Variants in JAK1 observed in about 807,000 individuals in gnomAD.
JAK1 encodes the protein tyrosine-protein kinase JAK1.
JAK1 carries 16 observed loss-of-function variants against 136.6 expected under a neutral mutation model. That is an observed-to-expected ratio of 0.12 (90% confidence interval 0.08 to 0.18). The LOEUF (loss-of-function observed/expected upper bound fraction) is 0.18. Ranked by LOEUF, JAK1 falls within the 10% of genes least tolerant of loss-of-function variation. JAK1 has a pLI of 1.00. For synonymous variants in JAK1, 492 were observed against 519.5 expected (o/e 0.95, Z 0.72); for missense variants, 859 against 1,450.1 (o/e 0.59, Z 6.62).
Position 64,984,925 on chromosome 1 carries a change from C to T in JAK1, c.-78+59555G>A. The T allele has an allele frequency of 8.7e-7, 1 of 1,150,688 alleles. No individual in the cohort carries two copies. The highest frequency in any genetic ancestry group is 1.3e-6 in the Non-Finnish European group (1 of 761,790). The allele number at this position is 1,150,688 out of a possible 1,614,324, so 71.3% of individuals were successfully genotyped here. On this transcript the variant is annotated intron_variant, in intron 2 of 25. Coordinates refer to the JAK1 transcript ENST00000671954. This position sits in a 1 kb window ranked among gnomAD's most constrained non-coding sequence, Gnocchi z 4.1. The stretch of plus-strand genomic sequence containing the variant: ...GGGCCAGGGCCCTGGCTGAAGAGTT[C>T]AGCCACAATAAACCAGGGAATGTGG...
chr1:65,008,855 T>G (rs940977784), intron 2 of JAK1, among the ~76,000 whole-genome samples: 1 of 152,122 alleles, frequency 6.6e-6, no homozygotes, highest in Non-Finnish European at 1.5e-5. Context: ...GCCTGGCTAA[T>G]TTTTAAATTT....
intron 1 of JAK1, among the ~76,000 whole-genome samples, chr1:64,899,815 T>C (rs1645077362): frequency 6.6e-6 from 1 of 152,202 alleles, no homozygotes; most frequent in South Asian, 2.1e-4. Flanking sequence ...GATTCTCCTA[T>C]GTTTTGACAC....
chr1:64,943,125 T>C (rs1645920071), intron 1 of JAK1, among the ~76,000 whole-genome samples: 1 of 152,208 alleles, frequency 6.6e-6, no homozygotes, highest in Admixed American at 6.5e-5. Context: ...AGACAATAAC[T>C]AAACTTTATT....
intron 2 of JAK1, chr1:64,985,307 T>C: frequency 6.2e-7 from 1 of 1,610,414 alleles, no homozygotes; most frequent in Non-Finnish European, 8.5e-7. Context: ...GGTAGCTGGA[T>C]ACTCTAAAGA....
intron 1 of JAK1, among the ~76,000 whole-genome samples, chr1:64,915,136 T>A (rs1011612424): frequency 6.6e-6 from 1 of 152,140 alleles, no homozygotes; most frequent in African/African-American, 2.4e-5. Flanking sequence ...GATTCCCAGC[T>A]AAAATGGCAG....
chr1:65,001,702 A>C (rs1467520614), intron 2 of JAK1, among the ~76,000 whole-genome samples: 1 of 149,394 alleles, frequency 6.7e-6, no homozygotes, highest in Non-Finnish European at 1.5e-5. Context: ...TGTGTGCCTG[A>C]AAGGCAGCAA....
In JAK1 at chr1:64,866,981, A is replaced by T. The variant is rs1271347866; in HGVS notation, c.875T>A (p.Leu292Gln). ...GAEIFETSMLLISSENEMNWF... is the reference protein window; with the variant it reads ...GAEIFETSMLQISSENEMNWF... ...ATTCATCTCATTTTCTGATGAAATC[A>T]GTAACATGGAAGTCTCAAATATTTC... Residue 292 changes from leucine to glutamine, a missense_variant, in exon 7 of 25, where the codon CTG becomes CAG. This residue lies in a region of JAK1 where 353 missense variants were observed against 494.0 expected (regional missense o/e 0.71). Coordinates refer to ENST00000342505, the MANE Select transcript of JAK1 (RefSeq NM_002227.4). 1 of 1,614,024 alleles carries T rather than the reference A, an allele frequency of 6.2e-7. No individual in the cohort carries two copies. The highest frequency in any genetic ancestry group is 2.2e-5 in the East Asian group (1 of 44,902).
intron 2 of JAK1, among the ~76,000 whole-genome samples, chr1:65,007,276 T>C (rs560616069): frequency 7.6e-4 from 116 of 152,266 alleles, no homozygotes; most frequent in Non-Finnish European, 1.5e-3. Context: ...ATATCCAGAC[T>C]TGGTCTCTTG....
chr1:64,836,621 T>C (rs565859918), intron 22 of JAK1, among the ~76,000 whole-genome samples: 3 of 152,288 alleles, frequency 2.0e-5, no homozygotes, highest in South Asian at 4.1e-4. Flanking sequence ...TTGCCTACTT[T>C]GCTGAATGAC....
At position 64,839,556 on chromosome 1, in the gene JAK1, G is replaced by A. The variant is rs750769723; in HGVS notation, c.2842+47C>T. The A allele has an allele frequency of 1.9e-6, 3 of 1,569,752 alleles. No homozygotes were observed. In the South Asian group the frequency reaches 3.5e-5, roughly 18 times the overall value. Reference sequence around the variant, plus strand: ...TTTTGCACTGGCCTTTATGACCCTAGACAGTCACCAAATCTTTAAACCGGA... The same window carrying A: ...TTTTGCACTGGCCTTTATGACCCTAAACAGTCACCAAATCTTTAAACCGGA... On this transcript the variant is annotated intron_variant, in intron 20 of 24. Coordinates refer to ENST00000342505, the MANE Select transcript of JAK1 (RefSeq NM_002227.4).
intron 1 of JAK1, among the ~76,000 whole-genome samples, chr1:65,066,041 T>C (rs1031775323): frequency 6.6e-6 from 1 of 151,988 alleles, no homozygotes; most frequent in Non-Finnish European, 1.5e-5. Context: ...AAAGCAGCAA[T>C]TTTTGGCCAA....
At chr1:65,015,402 AC>A (rs1291963518) in intron 2 of JAK1, among the ~76,000 whole-genome samples, 2 of 152,208 alleles carry the variant, frequency 1.3e-5, no homozygotes, top group Non-Finnish European at 2.9e-5. Context: ...GGTGATATAT[AC>A]ATATAAACAT....
At chr1:64,869,726 T>C (rs1656957908) in intron 5 of JAK1, among the ~76,000 whole-genome samples, 1 of 152,194 alleles carries the variant, frequency 6.6e-6, no homozygotes, top group African/African-American at 2.4e-5. Context: ...AGTACAGACA[T>C]ACGAAGTCCC....
intron 21 of JAK1, 24 bp from the exon 22 acceptor site, chr1:64,838,128 AG>A (rs1654609207): frequency 3.1e-6 from 5 of 1,600,072 alleles, no homozygotes; most frequent in Non-Finnish European, 4.3e-6. Flanking sequence ...GTAAAAGTCA[AG>A]CACATTGCTA....
chr1:64,839,530 G>T, intron 20 of JAK1, 73 bp downstream of exon 20: 2 of 1,387,832 alleles, frequency 1.4e-6, no homozygotes, highest in Non-Finnish European at 2.0e-6. Flanking sequence ...CGGAGTGCCT[G>T]TTTTGCACTG....
At chr1:65,017,843 TCA>T (rs1232218471) in intron 2 of JAK1, among the ~76,000 whole-genome samples, 2 of 151,656 alleles carry the variant, frequency 1.3e-5, no homozygotes, top group Non-Finnish European at 2.9e-5. Flanking sequence ...TGACAGATTC[TCA>T]CTCTTGTCGC....
chr1:64,867,279 T>A, intron 6 of JAK1, 71 bp from the exon 7 acceptor site: 1 of 1,167,276 alleles, frequency 8.6e-7, no homozygotes, highest in Non-Finnish European at 1.2e-6. Context: ...GAAACAAATC[T>A]AAGTCCATGA....
intron 1 of JAK1, among the ~76,000 whole-genome samples, chr1:64,901,129 A>T (rs565809524): frequency 1.3e-5 from 2 of 152,238 alleles, no homozygotes; most frequent in South Asian, 4.1e-4. Context: ...GGTACATACA[A>T]CACCAAATAA....
chr1:64,888,062 G>A (rs1362309193), intron 1 of JAK1, among the ~76,000 whole-genome samples: 2 of 152,156 alleles, frequency 1.3e-5, no homozygotes, highest in African/African-American at 4.8e-5. Flanking sequence ...ACCCGGAAAG[G>A]GTCACAACTC....
Sources: allele counts gnomAD v4.1 joint callset (sites outside exome capture counted in the v4.1 genomes callset), GRCh38; gene constraint gnomAD v4.1.1; regional missense constraint gnomAD v4.1.1; non-coding constraint Gnocchi (gnomAD v3.1); transcripts MANE v1.5; gene names NCBI Gene and HGNC (gene_info 2026-07-23, HGNC 2026-07-21).